PRORP: variants seen among roughly 807,000 people sequenced by gnomAD.
The protein encoded by PRORP is protein only RNase P catalytic subunit, also known as mitochondrial ribonuclease P catalytic subunit.
PRORP carries 51 observed loss-of-function variants against 59.4 expected under a neutral mutation model. The ratio of observed to expected loss-of-function variants is 0.86; its 90% CI spans 0.69 to 1.08. The LOEUF (loss-of-function observed/expected upper bound fraction) is 1.08. Among genes scored for constraint, PRORP ranks in the 50% least tolerant of loss-of-function variants. The pLI is 0.00. For synonymous variants in PRORP, 231 were observed against 245.6 expected (o/e 0.94, Z 0.55); for missense variants, 646 against 690.3 (o/e 0.94, Z 0.72).
At chr14:35,175,274 G>A (rs2048419088) in intron 4 of PRORP, among the ~76,000 whole-genome samples, 1 of 151,994 alleles carries the variant, frequency 6.6e-6, no homozygotes, top group South Asian at 2.1e-4. Flanking sequence ...GGGATGGCTG[G>A]GTCAAATGGT....
intron 5 of PRORP, among the ~76,000 whole-genome samples, chr14:35,212,145 A>G (rs2049464029): frequency 6.6e-6 from 1 of 152,192 alleles, no homozygotes; most frequent in Admixed American, 6.5e-5. Context: ...ATTCAGTCCC[A>G]TCTTCAGGCT....
intron 4 of PRORP, among the ~76,000 whole-genome samples, chr14:35,135,916 C>G (rs1183836308): frequency 6.6e-6 from 1 of 151,120 alleles, no homozygotes; most frequent in Non-Finnish European, 1.5e-5. Context: ...TGAGATCATG[C>G]CACTGCACTC....
chr14:35,128,902 A>T (rs2047162597), intron 4 of PRORP, among the ~76,000 whole-genome samples: 1 of 151,938 alleles, frequency 6.6e-6, no homozygotes, highest in African/African-American at 2.4e-5. Flanking sequence ...CTAGTTCTTT[A>T]AGACGCATAT....
intron 2 of PRORP, among the ~76,000 whole-genome samples, chr14:35,126,331 T>G (rs2047096851): frequency 6.6e-6 from 1 of 152,242 alleles, no homozygotes; most frequent in Admixed American, 6.5e-5. Context: ...TATTATGACA[T>G]TCTCAATTTA....
chr14:35,152,504 C>T (rs921975696), intron 4 of PRORP, among the ~76,000 whole-genome samples: 5 of 150,828 alleles, frequency 3.3e-5, no homozygotes, highest in African/African-American at 4.9e-5. Context: ...CCAGAAGGGG[C>T]GGCCAGGCAG....
Position 35,165,428 on chromosome 14 carries a change from GATA to G in PRORP, c.1168-15238_1168-15236del, listed in dbSNP as rs375485294. 5.2e-3 allele frequency among the ~76,000 whole-genome samples: 798 copies of G among 152,286 alleles called. 6 individuals carry two copies. The highest frequency in any genetic ancestry group is 0.018 in the African/African-American group (767 of 41,568). ...TCCTAATCTGTTAAGTGGGAAAAATGATAATATCTACCTCATACCATTGTTACA... is the reference window on the plus strand; with the variant it reads ...TCCTAATCTGTTAAGTGGGAAAAATGATATCTACCTCATACCATTGTTACA... On this transcript the variant is annotated intron_variant, in intron 4 of 7. Coordinates refer to ENST00000534898, the MANE Select transcript of PRORP (RefSeq NM_014672.4).
intron 6 of PRORP, 149 bp from the exon 7 acceptor site, chr14:35,270,252 T>G (rs937651872): frequency 3.0e-6 from 2 of 670,078 alleles, no homozygotes; most frequent in Non-Finnish European, 5.1e-6. Context: ...AGCTAAGGAC[T>G]TTGAGGTGGT....
At chr14:35,209,449 C>G (rs1248956637) in intron 5 of PRORP, among the ~76,000 whole-genome samples, 1 of 152,120 alleles carries the variant, frequency 6.6e-6, no homozygotes, top group Non-Finnish European at 1.5e-5. Context: ...CACAGCAAGC[C>G]CTAATTATAC....
At position 35,239,307 on chromosome 14, in the gene PRORP, C is replaced by T. The variant is rs541254983; in HGVS notation, c.1276-27420C>T. Among the ~76,000 whole-genome samples the T allele has an allele frequency of 6.0e-5, 9 of 149,814 alleles. No homozygotes were observed. In the South Asian group the frequency reaches 1.9e-3, roughly 32 times the overall value. On this transcript the variant is annotated intron_variant, in intron 5 of 7. Coordinates refer to ENST00000534898, the MANE Select transcript of PRORP (RefSeq NM_014672.4). The stretch of plus-strand genomic sequence containing the variant: ...AGGTTGCAATGAGCCAAGATTGCAA[C>T]ACCGCACTCCAGCCTGGGTGACAGA...
At chr14:35,142,112 C>T (rs2047493854) in intron 4 of PRORP, among the ~76,000 whole-genome samples, 1 of 144,592 alleles carries the variant, frequency 6.9e-6, no homozygotes, top group Non-Finnish European at 1.5e-5. Flanking sequence ...CTCCTGACCT[C>T]AGCTGATCCA....
rs1193073769 is a variant in PRORP at position 35,276,562 on chromosome 14, T to C, written c.*2996T>C. Reference sequence around the variant, plus strand: ...ATACTGCCACGGTGACCTTGAGGAGTGCAGGGATTCCCTGAAGGAAGCAGC... The same window carrying C: ...ATACTGCCACGGTGACCTTGAGGAGCGCAGGGATTCCCTGAAGGAAGCAGC... On this transcript the variant is annotated 3_prime_UTR_variant, in exon 8 of 8. Coordinates refer to ENST00000534898, the MANE Select transcript of PRORP (RefSeq NM_014672.4). The C allele has an allele frequency of 6.6e-6, 1 of 151,564 alleles. No individual in the cohort carries two copies. The highest frequency in any genetic ancestry group is 2.4e-5 in the African/African-American group (1 of 41,212). 9.4% of individuals were successfully genotyped at this position (151,564 alleles called of 1,614,324 possible).
intron 4 of PRORP, among the ~76,000 whole-genome samples, chr14:35,156,044 A>G (rs2047905810): frequency 6.6e-6 from 1 of 152,180 alleles, no homozygotes; most frequent in Non-Finnish European, 1.5e-5. Context: ...ATCCTGTACA[A>G]GTTAATCCAT....
intron 4 of PRORP, among the ~76,000 whole-genome samples, chr14:35,146,587 A>G (rs77477310): frequency 0.17 from 25,963 of 152,074 alleles, 2,376 homozygotes; most frequent in East Asian, 0.37. Context: ...ATTTAAATAA[A>G]TGTTGTGTGG....
chr14:35,217,118 C>T (rs548524972), intron 5 of PRORP, among the ~76,000 whole-genome samples: 3 of 152,164 alleles, frequency 2.0e-5, no homozygotes, highest in Admixed American at 6.5e-5. Flanking sequence ...TTGAAGATGA[C>T]TTTTGAAGCA....
intron 5 of PRORP, among the ~76,000 whole-genome samples, chr14:35,224,713 T>C (rs1283233337): frequency 6.6e-6 from 1 of 152,252 alleles, no homozygotes; most frequent in Non-Finnish European, 1.5e-5. Context: ...TTAAGGACTT[T>C]GTCAGACGTG....
intron 4 of PRORP, among the ~76,000 whole-genome samples, chr14:35,152,299 C>G (rs1331296509): frequency 2.6e-5 from 4 of 152,216 alleles, no homozygotes; most frequent in Non-Finnish European, 5.9e-5. Context: ...TTTCTTAGTA[C>G]AGAACAAAAT....
chr14:35,152,097 G>T (rs2047770469), intron 4 of PRORP, among the ~76,000 whole-genome samples: 1 of 152,154 alleles, frequency 6.6e-6, no homozygotes, highest in Non-Finnish European at 1.5e-5. Context: ...CAGTGTCTGT[G>T]TCCCTGGGTA....
intron 5 of PRORP, among the ~76,000 whole-genome samples, chr14:35,230,113 T>C (rs1199112545): frequency 1.4e-5 from 2 of 146,696 alleles, no homozygotes; most frequent in African/African-American, 5.1e-5. Context: ...AGTGCAGTGG[T>C]GCAATCTCTG....
intron 5 of PRORP, among the ~76,000 whole-genome samples, chr14:35,185,070 C>T (rs2048710819): frequency 6.6e-6 from 1 of 152,100 alleles, no homozygotes; most frequent in African/African-American, 2.4e-5. Context: ...AATGGTAGTT[C>T]TGCTTTTAGC....
Sources: gnomAD v4.1 joint callset for allele counts (sites outside exome capture counted in the v4.1 genomes callset) on GRCh38, gnomAD v4.1.1 for gene constraint, MANE v1.5 for transcripts, NCBI Gene and HGNC (gene_info 2026-07-23, HGNC 2026-07-21) for gene names.